Variants in C8orf34 observed in about 807,000 individuals in gnomAD.
C8orf34 encodes the protein uncharacterized protein C8orf34.
A neutral mutation model predicts 68.3 loss-of-function variants in C8orf34; 65 were observed. The observed-to-expected ratio is 0.95, with a 90% CI of 0.78 to 1.17. The LOEUF is 1.17. Among genes scored for constraint, C8orf34 ranks in the 50% most tolerant of loss-of-function variants. The pLI is 0.00. For missense variants in C8orf34, 664 were observed against 655.4 expected (o/e 1.01, Z -0.14); for synonymous variants, 244 against 241.2 (o/e 1.01, Z -0.11).
Position 68,744,588 on chromosome 8 carries a change from C to G in C8orf34, c.1404+23151C>G, listed in dbSNP as rs879873714. On this transcript the variant is annotated intron_variant, in intron 10 of 13. Coordinates refer to ENST00000518698, the MANE Select transcript of C8orf34 (RefSeq NM_052958.4). ...AGGCTCGAGAACTACGTGAAGAATG[C>G]AGAAGCCTCAGGAGCCGATGCGATC... 5.7e-3 allele frequency among the ~76,000 whole-genome samples: 865 copies of G among 152,082 alleles called. 8 individuals are homozygous for G. Among genetic ancestry groups the G allele is most frequent in the African/African-American group, 0.02 (819 of 41,452 alleles).
chr8:68,602,796 G>A (rs781166167), intron 7 of C8orf34, among the ~76,000 whole-genome samples: 5 of 152,040 alleles, frequency 3.3e-5, no homozygotes, highest in African/African-American at 4.8e-5. Context: ...CCATTTCCCC[G>A]TTGGCCCCAC....
At chr8:68,668,603 G>A (rs11989456) in intron 8 of C8orf34, among the ~76,000 whole-genome samples, 32,977 of 152,088 alleles carry the variant, frequency 0.22, 3,862 homozygotes, top group Middle Eastern at 0.35. Flanking sequence ...AGATGACCTG[G>A]TAGGCAGAAT....
intron 1 of C8orf34, among the ~76,000 whole-genome samples, chr8:68,405,103 C>G (rs1392532314): frequency 6.6e-6 from 1 of 151,986 alleles, no homozygotes; most frequent in Admixed American, 6.6e-5. Context: ...TGTTGTATTC[C>G]TAGGTATTTT....
chr8:68,647,690 A>G, intron 8 of C8orf34, among the ~76,000 whole-genome samples: 1 of 152,208 alleles, frequency 6.6e-6, no homozygotes, highest in East Asian at 1.9e-4. Context: ...TGATTAAAGG[A>G]TCGAGAATAT....
chr8:68,360,135 T>G (rs1806921967), intron 1 of C8orf34, among the ~76,000 whole-genome samples: 1 of 152,220 alleles, frequency 6.6e-6, no homozygotes, highest in African/African-American at 2.4e-5. Context: ...TTTTCTCTCC[T>G]TAAACAAAAA....
chr8:68,783,302 G>A (rs772912342), intron 11 of C8orf34, among the ~76,000 whole-genome samples: 7 of 151,890 alleles, frequency 4.6e-5, no homozygotes, highest in African/African-American at 7.2e-5. Flanking sequence ...GGTGGATCAC[G>A]AGGTCAGGAG....
At chr8:68,557,939 C>T (rs1334671824) in intron 7 of C8orf34, among the ~76,000 whole-genome samples, 1 of 152,158 alleles carries the variant, frequency 6.6e-6, no homozygotes, top group Non-Finnish European at 1.5e-5. Context: ...AGAATTAGAA[C>T]AGATGTGAGT....
At chr8:68,609,074 T>A (rs1331413708) in intron 7 of C8orf34, among the ~76,000 whole-genome samples, 1 of 152,162 alleles carries the variant, frequency 6.6e-6, no homozygotes, top group Non-Finnish European at 1.5e-5. Context: ...TTCTGAAGTC[T>A]GAAGCAGGAG....
At chr8:68,620,853 T>C (rs959340401) in intron 7 of C8orf34, among the ~76,000 whole-genome samples, 2 of 151,802 alleles carry the variant, frequency 1.3e-5, no homozygotes, top group African/African-American at 4.8e-5. Context: ...TTCTAGAAAA[T>C]AAATTAGATT....
At chr8:68,567,577 CTTTTTTTTTTTTT>C (rs1160845483) in intron 7 of C8orf34, among the ~76,000 whole-genome samples, 10 of 29,788 alleles carry the variant, frequency 3.4e-4, no homozygotes, top group East Asian at 1.6e-3. Context: ...TTTCATTTAT[CTTTTTTTTTTTTT>C]TTTTTTTTTT....
chr8:68,434,521 C>T (rs1024056014), intron 1 of C8orf34, among the ~76,000 whole-genome samples: 3 of 152,118 alleles, frequency 2.0e-5, no homozygotes, highest in African/African-American at 7.2e-5. Context: ...ATGGTATGTG[C>T]CATATTTTCT....
At chr8:68,681,418 G>C (rs181395616) in intron 8 of C8orf34, among the ~76,000 whole-genome samples, 1 of 152,016 alleles carries the variant, frequency 6.6e-6, no homozygotes, top group Non-Finnish European at 1.5e-5. Context: ...CTGACTTCCC[G>C]CAACAATTGA....
At position 68,331,325 on chromosome 8, in the gene C8orf34, G is replaced by A. The variant is rs770645498; in HGVS notation, c.313G>A (p.Gly105Ser). 2.6e-6 allele frequency: 4 copies of A among 1,536,326 alleles called. No homozygotes were observed. Among genetic ancestry groups the A allele is most frequent in the Admixed American group, 2.0e-5 (1 of 50,978 alleles). ...GGCTTACCTGGAGAAGAACAAGATC[G>A]GTCCCCTGTTTGAGGTAAGGCGCTG... Reference protein sequence around the residue: ...IQAYLEKNKIGPLFEELMTKL... With the variant: ...IQAYLEKNKISPLFEELMTKL... Residue 105 changes from glycine (G) to serine (S), a missense_variant, in exon 1 of 14, where the codon GGT becomes AGT. Physicochemically the swap from Gly to Ser is moderately conservative, Grantham distance 56 (BLOSUM62 0). Coordinates refer to ENST00000518698, the MANE Select transcript of C8orf34 (RefSeq NM_052958.4).
chr8:68,452,833 C>T (rs539645789), intron 3 of C8orf34, among the ~76,000 whole-genome samples: 9 of 150,708 alleles, frequency 6.0e-5, no homozygotes, highest in Non-Finnish European at 1.2e-4. Context: ...ATCTAAGAAA[C>T]TCTTGCCAAA....
intron 7 of C8orf34, chr8:68,625,726 A>G: frequency 1.7e-6 from 1 of 583,602 alleles, no homozygotes; most frequent in African/African-American, 1.9e-5. Flanking sequence ...TGGCCAATAT[A>G]CATCAACAGC....
At chr8:68,733,760 T>C (rs1822049194) in intron 10 of C8orf34, among the ~76,000 whole-genome samples, 2 of 152,294 alleles carry the variant, frequency 1.3e-5, no homozygotes, top group Admixed American at 1.3e-4. Flanking sequence ...ACAAGAATCT[T>C]ATAAATTAGA....
At chr8:68,386,117 G>T (rs946062160) in intron 1 of C8orf34, among the ~76,000 whole-genome samples, 3 of 152,092 alleles carry the variant, frequency 2.0e-5, no homozygotes, top group African/African-American at 7.2e-5. Flanking sequence ...GTGTTGCCCA[G>T]GCTGATCTTG....
chr8:68,433,064 A>G (rs1474770564), intron 1 of C8orf34, among the ~76,000 whole-genome samples: 32 of 152,190 alleles, frequency 2.1e-4, no homozygotes, highest in Admixed American at 2.1e-3. Context: ...CATCAAGTGG[A>G]TAATTTCTCA....
At chr8:68,666,860 A>G (rs7812470) in intron 8 of C8orf34, among the ~76,000 whole-genome samples, 65,448 of 152,004 alleles carry the variant, frequency 0.43, 14,484 homozygotes, top group East Asian at 0.57. Context: ...CTTAAATTTG[A>G]TCAGCAAAGT....
Sources: gnomAD v4.1 joint callset for allele counts (sites outside exome capture counted in the v4.1 genomes callset) on GRCh38, gnomAD v4.1.1 for gene constraint, MANE v1.5 for transcripts, NCBI Gene and HGNC (gene_info 2026-07-23, HGNC 2026-07-21) for gene names.